The following DCTN4 variants were observed in gnomAD, a reference collection of about 807,000 sequenced individuals.
The protein encoded by DCTN4 is dynactin 4 (p62).
DCTN4 carries 23 observed loss-of-function variants against 62.7 expected under a neutral mutation model. The ratio of observed to expected loss-of-function variants is 0.37; its 90% confidence interval spans 0.26 to 0.52. The LOEUF is 0.52. Among genes scored for constraint, DCTN4 ranks in the 20% least tolerant of loss-of-function variants. The pLI is 0.92. For synonymous variants in DCTN4, 199 were observed against 202.1 expected (o/e 0.98, Z 0.13); for missense variants, 514 against 580.4 (o/e 0.89, Z 1.18).
intron 10 of DCTN4, 87 bp downstream of exon 10, chr5:150,719,629 C>A: frequency 1.0e-6 from 1 of 959,062 alleles, no homozygotes; most frequent in East Asian, 2.5e-5. Flanking sequence ...GGATCCTGTG[C>A]CAAATACACA....
chr5:150,752,584 G>A (rs1433024), intron 3 of DCTN4, among the ~76,000 whole-genome samples: 22,400 of 152,104 alleles, frequency 0.15, 2,958 homozygotes, highest in African/African-American at 0.35. Flanking sequence ...ATTCTCCTAT[G>A]TTCTAGCCAA....
At chr5:150,718,488 G>A (rs1043502189) in intron 10 of DCTN4, 105 bp from the exon 11 acceptor site, 2 of 713,030 alleles carry the variant, frequency 2.8e-6, no homozygotes, top group South Asian at 3.4e-5. Context: ...GGGCAATGAC[G>A]CCCTACTTAT....
intron 8 of DCTN4, among the ~76,000 whole-genome samples, chr5:150,729,042 C>CCTTTTTTTTTTTTTTTTTTTTTTTTTTTT (rs762124472): frequency 1.9e-5 from 1 of 52,140 alleles, no homozygotes; most frequent in Non-Finnish European, 3.6e-5. Flanking sequence ...ACCACACTGG[C>CCTTTTTTTTTTTTTTTTTTTTTTTTTTTT]TTTTTTTTTT....
chr5:150,758,000 TACATAAAGC>T (rs1447281734), intron 1 of DCTN4: 1 of 888,156 alleles, frequency 1.1e-6, no homozygotes, highest in Non-Finnish European at 1.3e-6. Context: ...GTTTGAAGAT[TACATAAAGC>T]ACATGACATA....
Position 150,709,036 on chromosome 5 carries a change from A to G in DCTN4, c.*2113T>C, listed in dbSNP as rs1168046871. 2 of 152,786 alleles carry G rather than the reference A, an allele frequency of 1.3e-5. No individual in the cohort carries two copies. The highest frequency in any genetic ancestry group is 4.8e-5 in the African/African-American group (2 of 41,458). The allele number at this position is 152,786 out of a possible 1,614,324, so 9.5% of individuals were successfully genotyped here. ...AACTTTCCTGTGGTGGTGCATACTG[A>G]CTAGCATTAAAATTTTTGCACCTCA... On this transcript the variant is annotated 3_prime_UTR_variant, in exon 13 of 13. Transcript: ENST00000447998.
intron 1 of DCTN4, 77 bp from the exon 2 acceptor site, chr5:150,756,564 G>GA: frequency 1.1e-6 from 1 of 885,918 alleles, no homozygotes; most frequent in South Asian, 1.8e-5. Context: ...GTCAAATAGT[G>GA]AATTTTAAAA....
chr5:150,736,062 A>T (rs1385947394), intron 4 of DCTN4, among the ~76,000 whole-genome samples: 1 of 152,006 alleles, frequency 6.6e-6, no homozygotes. Flanking sequence ...CAAAGAAAAA[A>T]GAATAATAAC....
At chr5:150,749,036 A>T (rs1752571714) in intron 3 of DCTN4, among the ~76,000 whole-genome samples, 1 of 151,838 alleles carries the variant, frequency 6.6e-6, no homozygotes, top group South Asian at 2.1e-4. Context: ...TCTTAGTGAC[A>T]CTGGGTTAGG....
At chr5:150,745,512 C>T (rs953341520) in intron 3 of DCTN4, among the ~76,000 whole-genome samples, 3 of 152,118 alleles carry the variant, frequency 2.0e-5, no homozygotes, top group African/African-American at 7.2e-5. Context: ...CACACCACAC[C>T]CATTCCAAAA....
chr5:150,758,801 T>C, intron 1 of DCTN4, 58 bp downstream of exon 1: 2 of 1,596,812 alleles, frequency 1.3e-6, no homozygotes, highest in Non-Finnish European at 8.6e-7. Context: ...TGGCAGTGAC[T>C]AGCATGAACG....
chr5:150,713,563 C>A (rs564272529), intron 12 of DCTN4, among the ~76,000 whole-genome samples: 74 of 151,682 alleles, frequency 4.9e-4, no homozygotes, highest in African/African-American at 1.7e-3. Context: ...CCCATCTCAG[C>A]CTCCCAAGAA....
chr5:150,742,630 C>G (rs2113104963), intron 3 of DCTN4, among the ~76,000 whole-genome samples: 1 of 152,234 alleles, frequency 6.6e-6, no homozygotes, highest in East Asian at 1.9e-4. Flanking sequence ...ACGTAAGAAG[C>G]ACACAGCATA....
At chr5:150,712,962 T>C (rs951161873) in intron 12 of DCTN4, among the ~76,000 whole-genome samples, 3 of 152,244 alleles carry the variant, frequency 2.0e-5, no homozygotes, top group African/African-American at 7.2e-5. Context: ...AATTACTCTA[T>C]CATGTAATCA....
At chr5:150,719,057 C>G (rs1251010391) in intron 10 of DCTN4, among the ~76,000 whole-genome samples, 1 of 152,140 alleles carries the variant, frequency 6.6e-6, no homozygotes, top group Non-Finnish European at 1.5e-5. Context: ...TGCACCCAAG[C>G]AATCTACTTA....
chr5:150,734,430 T>C (rs1338267979), intron 4 of DCTN4: 1 of 151,706 alleles, frequency 6.6e-6, no homozygotes, highest in Non-Finnish European at 1.5e-5. Flanking sequence ...GAGAGCCGAG[T>C]GAAATATAAA....
chr5:150,731,482 T>C lies in DCTN4; in HGVS notation c.545A>G (p.Tyr182Cys). ...TCGCTGAAGCCTGGTTCCAAGACCA[T>C]ATTTGTCCTAAACAAAGTTCAGAAA... is the stretch of plus-strand genomic sequence containing the variant. ...NYMPLAFSDK[Y>C]GLGTRLQRPR... is the part of the protein sequence containing the mutation. Residue 182 changes from tyrosine to cysteine, a missense_variant, in exon 6 of 13, where the codon TAT becomes TGT. Tyr to Cys is a radical substitution (Grantham distance 194). Transcript: ENST00000447998. 1 of 1,613,188 alleles carries C rather than the reference T, an allele frequency of 6.2e-7. No individual in the cohort carries two copies.
At chr5:150,713,107 C>T (rs1391354917) in intron 12 of DCTN4, among the ~76,000 whole-genome samples, 1 of 152,182 alleles carries the variant, frequency 6.6e-6, no homozygotes, top group African/African-American at 2.4e-5. Flanking sequence ...CAACTCAGCA[C>T]ATTTTGTATT....
chr5:150,757,454 G>A (rs1379513891), intron 1 of DCTN4, among the ~76,000 whole-genome samples: 1 of 152,050 alleles, frequency 6.6e-6, no homozygotes, highest in Non-Finnish European at 1.5e-5. Flanking sequence ...AAACTCTAAT[G>A]GCCTCCATAT....
intron 4 of DCTN4, chr5:150,736,167 A>G (rs1208381528): frequency 6.6e-6 from 1 of 152,168 alleles, no homozygotes; most frequent in East Asian, 1.9e-4. Context: ...GAGAAATCTA[A>G]AGGTTTGGAA....
Sources: allele counts gnomAD v4.1 joint callset (sites outside exome capture counted in the v4.1 genomes callset), GRCh38; gene constraint gnomAD v4.1.1; transcripts MANE v1.5; gene names NCBI Gene and HGNC (gene_info 2026-07-23, HGNC 2026-07-21).